The following KASH5 variants were observed in gnomAD, a reference collection of about 807,000 sequenced individuals.
KASH5 encodes the protein protein KASH5.
KASH5 carries 72 observed loss-of-function variants against 84.2 expected under a neutral mutation model. That is an observed-to-expected ratio of 0.85 (90% CI 0.71 to 1.04). The LOEUF is 1.04. Among genes scored for constraint, KASH5 ranks in the 50% least tolerant of loss-of-function variants. The pLI, the probability that KASH5 is intolerant of heterozygous loss-of-function variation, is 0.00. For synonymous variants in KASH5, 260 were observed against 279.1 expected (o/e 0.93, Z 0.68); for missense variants, 650 against 701.0 (o/e 0.93, Z 0.82).
At chr19:49,410,552 C>T (rs1165582812) in intron 15 of KASH5, among the ~76,000 whole-genome samples, 31 of 150,332 alleles carry the variant, frequency 2.1e-4, no homozygotes, top group Non-Finnish European at 8.9e-5. Flanking sequence ...GGCACGATCT[C>T]AGCTCACTGC....
chr19:49,403,743 T>C (rs953921533), intron 9 of KASH5, among the ~76,000 whole-genome samples: 12 of 152,072 alleles, frequency 7.9e-5, no homozygotes, highest in African/African-American at 2.7e-4. Context: ...CAACCAGCAG[T>C]CTCATCTCTA....
intron 7 of KASH5, 41 bp downstream of exon 7, chr19:49,398,184 C>G: frequency 1.3e-6 from 2 of 1,515,066 alleles, no homozygotes; most frequent in Non-Finnish European, 1.8e-6. Flanking sequence ...GCGCCCCTGC[C>G]TCCGTCCTCC....
Position 49,414,101 on chromosome 19 carries a change from C to G in KASH5, c.1329-850C>G, listed in dbSNP as rs1424639804. ...TCCCCAAAGCAGCATTTCAGGGACTCAGATGGCTGTGACCCTAGGAGGGGC... is the reference window on the plus strand; with the variant it reads ...TCCCCAAAGCAGCATTTCAGGGACTGAGATGGCTGTGACCCTAGGAGGGGC... On this transcript the variant is annotated intron_variant, in intron 16 of 19. Coordinates refer to ENST00000447857, the MANE Select transcript of KASH5 (RefSeq NM_144688.5). This position sits in a 1 kb window ranked among gnomAD's most constrained non-coding sequence, Gnocchi z 4.5. 2.0e-5 allele frequency among the ~76,000 whole-genome samples: 3 copies of G among 152,030 alleles called. No individual in the cohort carries two copies. The highest frequency in any genetic ancestry group is 7.2e-5 in the African/African-American group (3 of 41,382).
rs1241839981 is a variant in KASH5, at chr19:49,395,716, G to A, written c.336-53G>A. 3.3e-6 allele frequency: 5 copies of A among 1,523,948 alleles called. No homozygotes were observed. The highest frequency in any genetic ancestry group is 1.4e-5 in the African/African-American group (1 of 72,494). The allele number at this position is 1,523,948 out of a possible 1,614,324, so 94.4% of individuals were successfully genotyped here. ...TGCAATCCCCCTGCCTGTGGCTGGTGAGGACTGAGGGGCAGCTACAGTGGG... is the reference window on the plus strand; with the variant it reads ...TGCAATCCCCCTGCCTGTGGCTGGTAAGGACTGAGGGGCAGCTACAGTGGG... On this transcript the variant is annotated intron_variant, in intron 4 of 19. Transcript: ENST00000447857. The surrounding 1 kb of genome is among the most constrained non-coding windows in gnomAD (Gnocchi z 4.4).
chr19:49,411,652 T>G (rs1974712764), intron 15 of KASH5, among the ~76,000 whole-genome samples: 1 of 151,774 alleles, frequency 6.6e-6, no homozygotes, highest in East Asian at 1.9e-4. Flanking sequence ...GGCCTCAGAG[T>G]GCAACCTGCG....
intron 17 of KASH5, chr19:49,415,217 C>G (rs930313293): frequency 5.2e-5 from 31 of 597,102 alleles, no homozygotes; most frequent in Non-Finnish European, 9.0e-5. Flanking sequence ...AGGCTGCTCC[C>G]AGGGGACCCT....
At chr19:49,404,549 C>T (rs1974464530) in intron 9 of KASH5, among the ~76,000 whole-genome samples, 2 of 152,208 alleles carry the variant, frequency 1.3e-5, no homozygotes, top group African/African-American at 2.4e-5. Flanking sequence ...GAGCCCACCT[C>T]GTGCATTGTT....
intron 13 of KASH5, 77 bp from the exon 14 acceptor site, chr19:49,409,119 A>AC: frequency 6.3e-7 from 1 of 1,588,080 alleles, no homozygotes; most frequent in Non-Finnish European, 8.6e-7. Context: ...GTGGGCAGGG[A>AC]AGGGAGGCCA....
intron 2 of KASH5, among the ~76,000 whole-genome samples, chr19:49,393,187 C>T (rs888967294): frequency 6.6e-6 from 1 of 152,110 alleles, no homozygotes; most frequent in South Asian, 2.1e-4. Flanking sequence ...ATAATAGCAT[C>T]GATTATTATT....
chr19:49,401,896 G>A (rs967014837), intron 9 of KASH5, among the ~76,000 whole-genome samples: 9 of 152,238 alleles, frequency 5.9e-5, no homozygotes, highest in Non-Finnish European at 1.2e-4. Context: ...TACCATGTGA[G>A]ACATGGAATG....
At chr19:49,407,155 G>T in intron 10 of KASH5, 85 bp from the exon 11 acceptor site, 2 of 1,505,080 alleles carry the variant, frequency 1.3e-6, no homozygotes, top group South Asian at 1.2e-5. Flanking sequence ...GTGGGGGTGC[G>T]AGAGAACAGG....
intron 2 of KASH5, among the ~76,000 whole-genome samples, chr19:49,392,344 TAGAGAGAA>T (rs1344812936): frequency 2.6e-5 from 4 of 151,254 alleles, no homozygotes; most frequent in African/African-American, 4.9e-5. Context: ...GGGAGAAAGA[TAGAGAGAA>T]AGAGCCAAAG....
intron 9 of KASH5, among the ~76,000 whole-genome samples, chr19:49,405,678 C>T (rs1390642228): frequency 2.6e-5 from 4 of 151,792 alleles, no homozygotes; most frequent in East Asian, 1.9e-4. Context: ...GGAGGAGAGC[C>T]GGGTGCGGTG....
chr19:49,388,774 G>A (rs562216929), intron 1 of KASH5, among the ~76,000 whole-genome samples: 1 of 151,258 alleles, frequency 6.6e-6, no homozygotes, highest in South Asian at 2.1e-4. Context: ...GTTGACCCCC[G>A]AAATCCTGTC....
Position 49,407,266 on chromosome 19 carries a change from C to T in KASH5, c.903C>T (p.Leu301=). 1 of 1,613,920 alleles carries T rather than the reference C, an allele frequency of 6.2e-7. No individual in the cohort carries two copies. The highest frequency in any genetic ancestry group is 8.5e-7 in the Non-Finnish European group (1 of 1,179,858). The change falls in exon 11 of 20, where the codon CTC becomes CTT. Residue 301 remains leucine, a synonymous_variant. Coordinates refer to ENST00000447857, the MANE Select transcript of KASH5 (RefSeq NM_144688.5). ...GGCAGCTCTTTGAGTGTGAACACCT[C>T]ATTTGCCAAAGAGACACCATCCTCT... ...LKRQLFECEH[L]ICQRDTILSE...
At chr19:49,413,072 A>C (rs1456244246) in intron 16 of KASH5, 46 bp downstream of exon 16, 1 of 1,561,174 alleles carries the variant, frequency 6.4e-7, no homozygotes, top group Non-Finnish European at 8.8e-7. Flanking sequence ...CACCTTATTC[A>C]CAGCTGTTTA....
At position 49,402,389 on chromosome 19, in the gene KASH5, CAA is replaced by C. The variant is rs59636662; in HGVS notation, c.798+2890_798+2891del. On this transcript the variant is annotated intron_variant, in intron 9 of 19. Transcript: ENST00000447857. ...ATAGTGAGAGCCCGTCTCTATAAAA[CAA>C]AAAAAAACAAAAAAAGTAAATAAAA... Among the ~76,000 whole-genome samples, 11 of 116,264 alleles carry C rather than the reference CAA, an allele frequency of 9.5e-5. No homozygotes were observed. The East Asian group carries it at 2.2e-3, about 23-fold the overall frequency. The allele number at this position is 116,264 out of a possible 152,430, so 76.3% of individuals were successfully genotyped here. A position where few individuals can be genotyped will look rare whatever the true frequency, so the allele number is the denominator to read the frequency against.
intron 1 of KASH5, among the ~76,000 whole-genome samples, chr19:49,388,773 C>T (rs941802099): frequency 6.6e-5 from 10 of 152,020 alleles, no homozygotes; most frequent in African/African-American, 2.4e-4. Flanking sequence ...AGTTGACCCC[C>T]GAAATCCTGT....
At chr19:49,407,199 C>A (rs780430941) in intron 10 of KASH5, 41 bp from the exon 11 acceptor site, 2 of 1,609,792 alleles carry the variant, frequency 1.2e-6, no homozygotes, top group East Asian at 4.5e-5. Context: ...CAAGGGGAGT[C>A]CTGGGAGGCT....
Sources: gnomAD v4.1 joint callset for allele counts (sites outside exome capture counted in the v4.1 genomes callset) on GRCh38, gnomAD v4.1.1 for gene constraint, Gnocchi (gnomAD v3.1) non-coding constraint, MANE v1.5 for transcripts, NCBI Gene and HGNC (gene_info 2026-07-23, HGNC 2026-07-21) for gene names.